The following MOK variants were observed in gnomAD, a reference collection of about 807,000 sequenced individuals.
The protein encoded by MOK is MAPK/MAK/MRK overlapping kinase.
Under a neutral mutation model 54.2 loss-of-function variants are expected in MOK, and 59 were observed. The ratio of observed to expected loss-of-function variants is 1.09; its 90% confidence interval spans 0.88 to 1.35. The LOEUF (loss-of-function observed/expected upper bound fraction) is 1.35, where lower values mean the gene tolerates loss of function less well. MOK is among the 40% of genes most tolerant of loss of function. The pLI is 0.00. For synonymous variants in MOK, 210 were observed against 202.7 expected (o/e 1.04, Z -0.31); for missense variants, 517 against 526.2 (o/e 0.98, Z 0.17).
chr14:102,230,956 C>G lies in MOK; in HGVS notation c.981+751G>C, dbSNP rs1356536071. On this transcript the variant is annotated intron_variant, in intron 10 of 11. Coordinates refer to ENST00000361847, the MANE Select transcript of MOK (RefSeq NM_014226.3). The surrounding 1 kb of genome is among the most constrained non-coding windows in gnomAD (Gnocchi z 4.1). ...CACAGGAGCCTGGCTTTCTGGAGAGCAGCCTGACTGCAGCTCTGGGTTCCC... is the reference window on the plus strand; with the variant it reads ...CACAGGAGCCTGGCTTTCTGGAGAGGAGCCTGACTGCAGCTCTGGGTTCCC... The G allele has an allele frequency of 6.6e-6, 1 of 152,428 alleles. No individual in the cohort carries two copies. The highest frequency in any genetic ancestry group is 1.9e-4 in the East Asian group (1 of 5,186). The allele number at this position is 152,428 out of a possible 1,614,324, so 9.4% of individuals were successfully genotyped here. A position where few individuals can be genotyped will look rare whatever the true frequency, so the allele number is the denominator to read the frequency against.
Position 102,302,773 on chromosome 14 carries a change from A to C in MOK, c.7+2189T>G, listed in dbSNP as rs574291980. ...ATGCAGTGCTAACATTAGTCTTTTA[A>C]AAAGGGAGAAATACACATTTATATA... On this transcript the variant is annotated intron_variant, in intron 1 of 11. Coordinates refer to ENST00000361847, the MANE Select transcript of MOK (RefSeq NM_014226.3). 3.7e-3 allele frequency among the ~76,000 whole-genome samples: 566 copies of C among 151,882 alleles called. 3 individuals carry two copies. The highest frequency in any genetic ancestry group is 6.3e-3 in the Non-Finnish European group (427 of 67,966).
chr14:102,223,475 G>A (rs2064125668), downstream of MOK: 1 of 152,590 alleles, frequency 6.6e-6, no homozygotes, highest in Non-Finnish European at 1.5e-5. Flanking sequence ...GAGGTGCGGC[G>A]TGAAGATGCC....
rs11299524 is a variant in MOK, at chr14:102,274,255, ATT to A, written c.123-8345_123-8344del. On this transcript the variant is annotated intron_variant, in intron 2 of 11. Transcript: ENST00000361847. The stretch of plus-strand genomic sequence containing the variant: ...TACAGGTGTGAGCCACCGTACCTGC[ATT>A]TTTTTTTTTTTTTTTGAGACAGGTT... Among the ~76,000 whole-genome samples, 218 of 119,752 alleles carry A rather than the reference ATT, an allele frequency of 1.8e-3. 1 individual carries two copies. Among genetic ancestry groups the A allele is most frequent in the Non-Finnish European group, 2.6e-3 (145 of 56,790 alleles). The allele number at this position is 119,752 out of a possible 152,430, so 78.6% of individuals were successfully genotyped here.
intron 7 of MOK, among the ~76,000 whole-genome samples, chr14:102,246,705 G>A (rs1220449779): frequency 6.6e-6 from 1 of 150,682 alleles, no homozygotes; most frequent in African/African-American, 2.5e-5. Flanking sequence ...TAGCGAGTTC[G>A]GTCCAGGTGT....
chr14:102,294,242 C>T (rs1049942021), intron 1 of MOK, among the ~76,000 whole-genome samples: 13 of 150,674 alleles, frequency 8.6e-5, no homozygotes, highest in South Asian at 2.1e-4. Flanking sequence ...GTCAGGAGAT[C>T]AACACCATCC....
rs2065267002 is a variant in MOK at position 102,236,890 on chromosome 14, C to T, written c.591-3101G>A. Among the ~76,000 whole-genome samples the T allele has an allele frequency of 6.6e-6, 1 of 152,194 alleles. No individual in the cohort carries two copies. Among genetic ancestry groups the T allele is most frequent in the Non-Finnish European group, 1.5e-5 (1 of 68,032 alleles). ...CCATCCTCCTGGTTAAAAAATCAGACGGCTCATACCGACTCCTGCAAGACC... is the reference window on the plus strand; with the variant it reads ...CCATCCTCCTGGTTAAAAAATCAGATGGCTCATACCGACTCCTGCAAGACC... On this transcript the variant is annotated intron_variant, in intron 7 of 11. Transcript: ENST00000361847. This position sits in a 1 kb window ranked among gnomAD's most constrained non-coding sequence, Gnocchi z 4.5.
chr14:102,269,768 T>G (rs752746422), intron 2 of MOK, among the ~76,000 whole-genome samples: 6 of 152,154 alleles, frequency 3.9e-5, no homozygotes, highest in South Asian at 2.1e-4. Flanking sequence ...CCACTGTGCC[T>G]GGCCTAAATG....
rs918797793 is a variant in MOK at position 102,238,990 on chromosome 14, C to T, written c.591-5201G>A. Among the ~76,000 whole-genome samples the T allele has an allele frequency of 6.6e-6, 1 of 152,188 alleles. No individual in the cohort carries two copies. Among genetic ancestry groups the T allele is most frequent in the African/African-American group, 2.4e-5 (1 of 41,446 alleles). On this transcript the variant is annotated intron_variant, in intron 7 of 11. Coordinates refer to ENST00000361847, the MANE Select transcript of MOK (RefSeq NM_014226.3). This position sits in a 1 kb window ranked among gnomAD's most constrained non-coding sequence, Gnocchi z 4.8. ...CAAGACTACTTCTCACTCTTATAGACATCTTCTCTGGGTGGGTGGAGGCAT... is the reference window on the plus strand; with the variant it reads ...CAAGACTACTTCTCACTCTTATAGATATCTTCTCTGGGTGGGTGGAGGCAT...
At position 102,230,833 on chromosome 14, in the gene MOK, G is replaced by A. The variant is rs1567129086; in HGVS notation, c.981+874C>T. ...GGAGGGAAGGCCATGGGAAGCCACA[G>A]GGAAAAAGCACGTTTGGGGAAAGAT... On this transcript the variant is annotated intron_variant, in intron 10 of 11. Coordinates refer to ENST00000361847, the MANE Select transcript of MOK (RefSeq NM_014226.3). The surrounding 1 kb of genome is among the most constrained non-coding windows in gnomAD (Gnocchi z 4.1). 6.6e-6 allele frequency: 1 copy of A among 152,460 alleles called. No individual in the cohort carries two copies. The highest frequency in any genetic ancestry group is 1.5e-5 in the Non-Finnish European group (1 of 68,228). 9.4% of individuals were successfully genotyped at this position (152,460 alleles called of 1,614,324 possible).
At chr14:102,227,607 G>A (rs947361286), downstream of MOK, among the ~76,000 whole-genome samples, 2 of 151,906 alleles carry the variant, frequency 1.3e-5, no homozygotes, top group Non-Finnish European at 2.9e-5. Context: ...TGAAAATTAC[G>A]GCAAGCCTCA....
chr14:102,229,841 C>CG, intron 10 of MOK, 184 bp from the exon 11 acceptor site: 1 of 603,664 alleles, frequency 1.7e-6, no homozygotes, highest in Non-Finnish European at 2.9e-6. Context: ...TAGAGTCCCA[C>CG]GGGGGAGGCC....
rs2069692414 is a variant in MOK at position 102,283,503 on chromosome 14, TAC to T, written c.95_96del (p.Cys32Ter). 2 of 1,612,612 alleles carry T rather than the reference TAC, an allele frequency of 1.2e-6. No homozygotes were observed. Among genetic ancestry groups the T allele is most frequent in the Non-Finnish European group, 1.7e-6 (2 of 1,179,386 alleles). ...QSLRDGNYYA[C>X]KQMKQRFESI... is the part of the protein sequence containing the mutation. ...CTTTCAAAGCGCTGCTTCATTTGTT[TAC>T]ATGCATAGTAGTTTCCATCTCTCAG... On this transcript the variant is annotated frameshift_variant, in exon 2 of 12. Coordinates refer to ENST00000361847, the MANE Select transcript of MOK (RefSeq NM_014226.3). LOFTEE classifies it high-confidence loss of function.
At position 102,232,479 on chromosome 14, in the gene MOK, T is replaced by C. The variant is rs897034426; in HGVS notation, c.866+56A>G. 2 of 1,556,320 alleles carry C rather than the reference T, an allele frequency of 1.3e-6. No individual in the cohort carries two copies. Among genetic ancestry groups the C allele is most frequent in the Non-Finnish European group, 1.8e-6 (2 of 1,142,288 alleles). ...AGTACCTTGCCCCACCATGTGCCCA[T>C]GGGTCTCATTTGCCAGGTCCTGCAT... is the stretch of plus-strand genomic sequence containing the variant. On this transcript the variant is annotated intron_variant, in intron 9 of 11. Transcript: ENST00000361847. This position sits in a 1 kb window ranked among gnomAD's most constrained non-coding sequence, Gnocchi z 5.1.
At chr14:102,248,939 C>T (rs1373183892) in intron 7 of MOK, among the ~76,000 whole-genome samples, 1 of 152,122 alleles carries the variant, frequency 6.6e-6, no homozygotes, top group Non-Finnish European at 1.5e-5. Flanking sequence ...TCCTTTCTCT[C>T]AGCTGACCCT....
Position 102,274,158 on chromosome 14 carries a change from G to C in MOK, c.123-8246C>G, listed in dbSNP as rs144554430. The stretch of plus-strand genomic sequence containing the variant: ...ATTTTTAGTAGAGATGGGGTTTCAC[G>C]GTTTTAGCCAGGATGGTCTTGACCT... On this transcript the variant is annotated intron_variant, in intron 2 of 11. Coordinates refer to ENST00000361847, the MANE Select transcript of MOK (RefSeq NM_014226.3). Among the ~76,000 whole-genome samples the C allele has an allele frequency of 4.6e-3, 703 of 151,326 alleles. 6 individuals are homozygous for C. Among genetic ancestry groups the C allele is most frequent in the African/African-American group, 0.016 (652 of 41,236 alleles).
chr14:102,296,819 G>A (rs2071470243), intron 1 of MOK, among the ~76,000 whole-genome samples: 1 of 152,072 alleles, frequency 6.6e-6, no homozygotes, highest in East Asian at 1.9e-4. Context: ...CAGCACTTTG[G>A]GAGGCTGAGG....
chr14:102,222,960 T>A, downstream of MOK: 1 of 1,577,482 alleles, frequency 6.3e-7, no homozygotes, highest in Non-Finnish European at 8.7e-7. The surrounding 1 kb of genome is among the most constrained non-coding windows in gnomAD (Gnocchi z 4.4). Context: ...GAGCTGCGCC[T>A]GAGCCGTGCC....
In MOK at chr14:102,242,540, A is replaced by AGAG. The variant is rs543555238; in HGVS notation, c.590+8271_590+8272insCTC. ...CACCTCTACTCTCCCCTGGCAACTG[A>AGAG]TCACACACCCCTTACTATCCCATTA... On this transcript the variant is annotated intron_variant, in intron 7 of 11. Transcript: ENST00000361847. Among the ~76,000 whole-genome samples, 89 of 151,992 alleles carry AGAG rather than the reference A, an allele frequency of 5.9e-4. 1 individual carries two copies. The highest frequency in any genetic ancestry group is 2.1e-3 in the African/African-American group (86 of 41,434).
At chr14:102,229,935 G>A (rs983100516) in intron 10 of MOK, 4 of 409,700 alleles carry the variant, frequency 9.8e-6, no homozygotes, top group Non-Finnish European at 1.7e-5. Flanking sequence ...TGGTGCCCAC[G>A]CCTCCTGCCT....
Sources: gnomAD v4.1 joint callset for allele counts (sites outside exome capture counted in the v4.1 genomes callset) on GRCh38, gnomAD v4.1.1 for gene constraint, Gnocchi (gnomAD v3.1) non-coding constraint, MANE v1.5 for transcripts, NCBI Gene and HGNC (gene_info 2026-07-23, HGNC 2026-07-21) for gene names.